Variants in BNC2 observed in about 807,000 individuals in gnomAD.
BNC2 encodes basonuclin zinc finger protein 2, also known as zinc finger protein basonuclin-2.
In BNC2, 20 loss-of-function variants were observed where a neutral mutation model predicts 76.3. The ratio of observed to expected loss-of-function variants is 0.26; its 90% CI spans 0.18 to 0.38. The LOEUF (loss-of-function observed/expected upper bound fraction) is 0.38. BNC2 is among the 10% of genes least tolerant of loss of function. The pLI is 1.00. For synonymous variants in BNC2, 582 were observed against 514.8 expected (o/e 1.13, Z -1.77); for missense variants, 1,382 against 1,399.8 (o/e 0.99, Z 0.20).
At chr9:16,460,139 A>G (rs1821543387) in intron 5 of BNC2, among the ~76,000 whole-genome samples, 1 of 152,196 alleles carries the variant, frequency 6.6e-6, no homozygotes, top group African/African-American at 2.4e-5. Context: ...TAGAGAAGTC[A>G]TAATTTAAAA....
intron 1 of BNC2, among the ~76,000 whole-genome samples, chr9:16,784,806 C>A (rs1826239945): frequency 1.3e-5 from 2 of 152,206 alleles, no homozygotes; most frequent in South Asian, 4.1e-4. Flanking sequence ...ATAAACCACT[C>A]CCCTGCCCTC....
intron 3 of BNC2, among the ~76,000 whole-genome samples, chr9:16,711,528 T>A (rs1338559829): frequency 6.6e-6 from 1 of 152,262 alleles, no homozygotes; most frequent in Non-Finnish European, 1.5e-5. Flanking sequence ...AGAAAGTCCT[T>A]TCAACAATCA....
At chr9:16,633,124 T>A (rs1156609543) in intron 3 of BNC2, among the ~76,000 whole-genome samples, 1 of 152,176 alleles carries the variant, frequency 6.6e-6, no homozygotes, top group Non-Finnish European at 1.5e-5. Context: ...CTTTTTAAAA[T>A]TATCCATAAT....
intron 1 of BNC2, among the ~76,000 whole-genome samples, chr9:16,860,535 C>G (rs1819372986): frequency 6.6e-6 from 1 of 152,064 alleles, no homozygotes; most frequent in African/African-American, 2.4e-5. Flanking sequence ...AGAAGTTAAT[C>G]CAAATGGATT....
intron 4 of BNC2, among the ~76,000 whole-genome samples, chr9:16,560,686 C>T (rs540514978): frequency 3.3e-5 from 5 of 152,306 alleles, no homozygotes; most frequent in African/African-American, 1.2e-4. Context: ...TATGATCCTG[C>T]ACTATACTCC....
At chr9:16,552,934 C>CCTCCTTT (rs1297327030) in intron 4 of BNC2, among the ~76,000 whole-genome samples, 169 bp from the exon 5 acceptor site, 1 of 152,134 alleles carries the variant, frequency 6.6e-6, no homozygotes, top group Non-Finnish European at 1.5e-5. Context: ...TTCTCTGACA[C>CCTCCTTT]CTCCTTTCTG....
intron 1 of BNC2, among the ~76,000 whole-genome samples, chr9:16,798,157 G>C (rs1185758018): frequency 3.3e-5 from 5 of 152,260 alleles, no homozygotes; most frequent in East Asian, 3.9e-4. Context: ...CAAGTAATTA[G>C]GAAGAGAAAA....
chr9:16,486,116 G>A (rs189437476), intron 5 of BNC2, among the ~76,000 whole-genome samples: 1 of 152,270 alleles, frequency 6.6e-6, no homozygotes, highest in Non-Finnish European at 1.5e-5. Context: ...CCACCCCCGT[G>A]CTGGGAGGCT....
chr9:16,665,011 C>T (rs1822227609), intron 3 of BNC2: 1 of 455,224 alleles, frequency 2.2e-6, no homozygotes. Context: ...CCTTAGATAT[C>T]ACAGCAACTA....
At chr9:16,467,671 G>A (rs1173402623) in intron 5 of BNC2, among the ~76,000 whole-genome samples, 1 of 143,014 alleles carries the variant, frequency 7.0e-6, no homozygotes, top group African/African-American at 2.6e-5. Context: ...ATCACACTCT[G>A]GGGACTGTGG....
chr9:16,570,380 T>C (rs1308801739), intron 4 of BNC2, among the ~76,000 whole-genome samples: 1 of 152,222 alleles, frequency 6.6e-6, no homozygotes, highest in African/African-American at 2.4e-5. Context: ...AATCTCACTC[T>C]AAATCTATAA....
chr9:16,663,683 G>A (rs946403768), intron 3 of BNC2, among the ~76,000 whole-genome samples: 1 of 152,142 alleles, frequency 6.6e-6, no homozygotes, highest in African/African-American at 2.4e-5. Flanking sequence ...ATCTCAGAAA[G>A]AGTAATAATG....
intron 5 of BNC2, among the ~76,000 whole-genome samples, chr9:16,488,578 A>C (rs949744807): frequency 6.6e-6 from 1 of 152,246 alleles, no homozygotes; most frequent in African/African-American, 2.4e-5. Flanking sequence ...CTTTTCATGC[A>C]CTAAAATATC....
intron 1 of BNC2, among the ~76,000 whole-genome samples, chr9:16,834,505 A>G (rs1159194053): frequency 2.0e-5 from 3 of 152,216 alleles, no homozygotes; most frequent in Non-Finnish European, 4.4e-5. Context: ...CTGCCTGACC[A>G]TAGCTAAATC....
At chr9:16,706,017 A>G (rs112789527) in intron 3 of BNC2, among the ~76,000 whole-genome samples, 1 of 152,374 alleles carries the variant, frequency 6.6e-6, no homozygotes, top group African/African-American at 2.4e-5. Context: ...CAAGCAACAT[A>G]ACTGACAAGC....
chr9:16,442,453 G>A (rs547283025), intron 5 of BNC2, among the ~76,000 whole-genome samples: 31 of 152,250 alleles, frequency 2.0e-4, no homozygotes, highest in African/African-American at 6.7e-4. Context: ...TCAAATGCAT[G>A]GTTTAAATGG....
intron 3 of BNC2, among the ~76,000 whole-genome samples, chr9:16,646,769 T>C (rs1821639899): frequency 6.6e-6 from 1 of 152,112 alleles, no homozygotes; most frequent in Admixed American, 6.6e-5. Context: ...AAATTCGGGG[T>C]TAAATTAAAA....
chr9:16,800,019 G>T (rs750479436), intron 1 of BNC2, among the ~76,000 whole-genome samples: 4 of 152,092 alleles, frequency 2.6e-5, no homozygotes, highest in Non-Finnish European at 5.9e-5. Flanking sequence ...GAGATCAGGA[G>T]TTCGAGACCA....
chr9:16,553,541 C>T (rs890569086), intron 4 of BNC2, among the ~76,000 whole-genome samples: 1 of 152,124 alleles, frequency 6.6e-6, no homozygotes, highest in Admixed American at 6.5e-5. Context: ...TCTAAGGGTA[C>T]AGATGAAAAT....
Sources: gnomAD v4.1 joint callset for allele counts (sites outside exome capture counted in the v4.1 genomes callset) on GRCh38, gnomAD v4.1.1 for gene constraint, MANE v1.5 for transcripts, NCBI Gene and HGNC (gene_info 2026-07-23, HGNC 2026-07-21) for gene names.